Variants in TSNARE1 observed in about 807,000 individuals in gnomAD.
The protein encoded by TSNARE1 is t-SNARE domain-containing protein 1.
Under a neutral mutation model 62.0 loss-of-function variants are expected in TSNARE1, and 49 were observed. The observed-to-expected ratio is 0.79, with a 90% CI of 0.63 to 1.00. TSNARE1 has a LOEUF of 1.00. Among genes scored for constraint, TSNARE1 ranks in the 50% least tolerant of loss-of-function variants. The pLI, the probability that TSNARE1 is intolerant of heterozygous loss-of-function variation, is 0.00. For missense variants in TSNARE1, 755 were observed against 700.1 expected (o/e 1.08, Z -0.88); for synonymous variants, 328 against 294.4 (o/e 1.11, Z -1.17).
At chr8:142,343,942 A>C in intron 4 of TSNARE1, 24 bp downstream of exon 4, 2 of 1,501,736 alleles carry the variant, frequency 1.3e-6, no homozygotes, top group South Asian at 2.7e-5. Context: ...CACCCTAGCA[A>C]GGTGAGCTGA....
chr8:142,278,211 G>A lies in TSNARE1; in HGVS notation c.1364-3348C>T, dbSNP rs963505699. 1.8e-4 allele frequency: 180 copies of A among 985,400 alleles called. No homozygotes were observed. The Middle Eastern group carries it at 5.2e-3, about 29-fold the overall frequency. 61.0% of individuals were successfully genotyped at this position (985,400 alleles called of 1,614,324 possible). A position where few individuals can be genotyped will look rare whatever the true frequency, so the allele number is the denominator to read the frequency against. ...GCCCCTTGTCCAAGCCCAGCCACAG[G>A]GTTGGCTGGGTCTACATGCGTCTCC... On this transcript the variant is annotated intron_variant, in intron 11 of 13. Coordinates refer to ENST00000524325, the MANE Select transcript of TSNARE1 (RefSeq NM_145003.5).
At chr8:142,336,390 T>C in intron 4 of TSNARE1, among the ~76,000 whole-genome samples, 1 of 128,364 alleles carries the variant, frequency 7.8e-6, no homozygotes. Flanking sequence ...ATTAGAAAAA[T>C]ATATCATGTA....
At chr8:142,307,933 G>A (rs914818452) in intron 9 of TSNARE1, among the ~76,000 whole-genome samples, 1 of 152,188 alleles carries the variant, frequency 6.6e-6, no homozygotes, top group Non-Finnish European at 1.5e-5. Flanking sequence ...TGTGGGTGTG[G>A]TGTGTGGTGA....
chr8:142,275,304 TGCAA>T (rs1198691018), intron 11 of TSNARE1: 1 of 985,316 alleles, frequency 1.0e-6, no homozygotes, highest in Admixed American at 6.1e-5. Context: ...AGACCGGGTC[TGCAA>T]GCACAGGGCT....
chr8:142,270,417 G>A (rs944975707), intron 12 of TSNARE1: 3 of 984,766 alleles, frequency 3.0e-6, no homozygotes, highest in African/African-American at 1.8e-5. Context: ...AATACTTTTT[G>A]CAAGAAAAAT....
At chr8:142,279,529 G>C (rs1019194575) in intron 11 of TSNARE1, among the ~76,000 whole-genome samples, 1 of 152,232 alleles carries the variant, frequency 6.6e-6, no homozygotes, top group African/African-American at 2.4e-5. Context: ...CATCCCATCT[G>C]GACACCCGGT....
chr8:142,275,548 AAAGG>A (rs1421191991), intron 11 of TSNARE1: 1 of 985,314 alleles, frequency 1.0e-6, no homozygotes, highest in Non-Finnish European at 1.2e-6. Flanking sequence ...TCTTCCACCC[AAAGG>A]AAGGACACAT....
At chr8:142,376,080 TGCAGAGTCC>T (rs1836313796) in intron 1 of TSNARE1, among the ~76,000 whole-genome samples, 1 of 152,220 alleles carries the variant, frequency 6.6e-6, no homozygotes, top group Non-Finnish European at 1.5e-5. Context: ...CACTGCAGAC[TGCAGAGTCC>T]GCGCCTCCCT....
At position 142,214,857 on chromosome 8, in the gene TSNARE1, C is replaced by T. The variant is rs547226361; in HGVS notation, c.*12-2544G>A. ...GGGCCCTATCAGAACCCAGCCCTGG[C>T]GGCACCCTGATCTGGGACTTCCAGC... is the stretch of plus-strand genomic sequence containing the variant. On this transcript the variant is annotated intron_variant, in intron 13 of 13. Transcript: ENST00000524325. Among the ~76,000 whole-genome samples the T allele has an allele frequency of 6.6e-5, 10 of 152,308 alleles. No homozygotes were observed. In the South Asian group the frequency reaches 8.3e-4, roughly 13 times the overall value.
At chr8:142,378,832 G>C (rs1836524514) in intron 1 of TSNARE1, among the ~76,000 whole-genome samples, 1 of 152,180 alleles carries the variant, frequency 6.6e-6, no homozygotes, top group Non-Finnish European at 1.5e-5. Flanking sequence ...GCACGGGTGT[G>C]TTGCCAACAG....
chr8:142,273,222 GTCC>G, intron 12 of TSNARE1: 2 of 985,088 alleles, frequency 2.0e-6, no homozygotes, highest in Non-Finnish European at 2.4e-6. Flanking sequence ...CTGTCCCATC[GTCC>G]TCCTGCCGTC....
At chr8:142,383,298 G>C (rs1294776265) in intron 1 of TSNARE1, among the ~76,000 whole-genome samples, 2 of 152,232 alleles carry the variant, frequency 1.3e-5, no homozygotes, top group African/African-American at 4.8e-5. Flanking sequence ...AGGGCACAGA[G>C]GCTGGGTAAG....
At chr8:142,333,771 C>A (rs112594268) in intron 4 of TSNARE1, among the ~76,000 whole-genome samples, 2 of 152,216 alleles carry the variant, frequency 1.3e-5, no homozygotes, top group Admixed American at 6.5e-5. Flanking sequence ...CTCCACCTTG[C>A]CCCAGTCCCA....
chr8:142,280,141 C>T (rs983641941), intron 11 of TSNARE1: 18 of 1,074,898 alleles, frequency 1.7e-5, no homozygotes, highest in African/African-American at 1.2e-4. Flanking sequence ...CGGGTAGTGG[C>T]GCCGCACCCT....
intron 12 of TSNARE1, chr8:142,271,051 C>T: frequency 1.0e-6 from 1 of 985,930 alleles, no homozygotes; most frequent in African/African-American, 1.7e-5. Flanking sequence ...AGGCCCTGCT[C>T]CTGCCCTTTG....
At chr8:142,335,751 C>G (rs1243690166) in intron 4 of TSNARE1, among the ~76,000 whole-genome samples, 1 of 152,218 alleles carries the variant, frequency 6.6e-6, no homozygotes, top group Non-Finnish European at 1.5e-5. Context: ...CAGTAGCCAT[C>G]AACCCCTTGC....
intron 9 of TSNARE1, among the ~76,000 whole-genome samples, chr8:142,303,904 G>C (rs373400689): frequency 6.8e-4 from 103 of 152,292 alleles, no homozygotes; most frequent in Non-Finnish European, 1.1e-3. Flanking sequence ...TGCAGCACGA[G>C]GCTAGGTGCT....
At chr8:142,398,785 C>A (rs1022810960) in intron 1 of TSNARE1, among the ~76,000 whole-genome samples, 1 of 152,210 alleles carries the variant, frequency 6.6e-6, no homozygotes, top group Non-Finnish European at 1.5e-5. Context: ...CCTGTCCAGG[C>A]AGGAACACCC....
chr8:142,243,300 G>A (rs1467106634), intron 12 of TSNARE1, among the ~76,000 whole-genome samples: 9 of 152,292 alleles, frequency 5.9e-5, no homozygotes, highest in East Asian at 1.9e-4. Context: ...ACACTGGCAC[G>A]CCCATGTTTA....
Sources: gnomAD v4.1 joint callset for allele counts (sites outside exome capture counted in the v4.1 genomes callset) on GRCh38, gnomAD v4.1.1 for gene constraint, MANE v1.5 for transcripts, NCBI Gene and HGNC (gene_info 2026-07-23, HGNC 2026-07-21) for gene names.